Variants in EFCAB5 observed in about 807,000 individuals in gnomAD.
EFCAB5 encodes the protein EF-hand calcium binding domain 5.
Under a neutral mutation model 167.9 loss-of-function variants are expected in EFCAB5, and 131 were observed. The ratio of observed to expected loss-of-function variants is 0.78; its 90% confidence interval spans 0.68 to 0.90. EFCAB5 has a LOEUF of 0.90. EFCAB5 is among the 40% of genes least tolerant of loss of function. The pLI, the probability that EFCAB5 is intolerant of heterozygous loss-of-function variation, is 0.00. For synonymous variants in EFCAB5, 574 were observed against 602.8 expected (o/e 0.95, Z 0.70); for missense variants, 1,663 against 1,745.2 (o/e 0.95, Z 0.84).
At chr17:30,093,395 G>C (rs2071237391) in intron 22 of EFCAB5, among the ~76,000 whole-genome samples, 2 of 152,162 alleles carry the variant, frequency 1.3e-5, no homozygotes, top group African/African-American at 4.8e-5. Flanking sequence ...ACAAACAGAG[G>C]CCCAAGGTCC....
In EFCAB5 at chr17:29,969,128, CA is replaced by C. The variant is rs2067897077; in HGVS notation, c.531del (p.Lys177AsnfsTer6). 2 of 1,613,788 alleles carry C rather than the reference CA, an allele frequency of 1.2e-6. No homozygotes were observed. The highest frequency in any genetic ancestry group is 1.7e-6 in the Non-Finnish European group (2 of 1,179,812). On this transcript the variant is annotated frameshift_variant, in exon 4 of 23. Coordinates refer to ENST00000394835, the MANE Select transcript of EFCAB5 (RefSeq NM_198529.4). LOFTEE classifies it high-confidence loss of function. ...TLNNTAYLLD[K>X]LLPTLVPGVE... ...TGAATAATACTGCATATTTGCTTGACAAACTTCTACCCACCTTAGTTCCTGG... is the reference window on the plus strand; with the variant it reads ...TGAATAATACTGCATATTTGCTTGACAACTTCTACCCACCTTAGTTCCTGG...
At chr17:30,018,168 T>C (rs190138642) in intron 7 of EFCAB5, among the ~76,000 whole-genome samples, 114 of 152,206 alleles carry the variant, frequency 7.5e-4, no homozygotes, top group Admixed American at 4.3e-3. Flanking sequence ...TGGTATTGAA[T>C]GTTGTGGAGA....
chr17:30,036,257 TACA>T (rs2069618107), intron 8 of EFCAB5, among the ~76,000 whole-genome samples: 11 of 122,338 alleles, frequency 9.0e-5, no homozygotes, highest in Non-Finnish European at 5.1e-5. Flanking sequence ...ATATAGAATA[TACA>T]TATATAATAT....
At chr17:30,100,721 C>T (rs1008416809) in intron 22 of EFCAB5, among the ~76,000 whole-genome samples, 1 of 151,584 alleles carries the variant, frequency 6.6e-6, no homozygotes, top group African/African-American at 2.4e-5. Flanking sequence ...GAGCCAAGAT[C>T]GCACCACTGT....
Position 30,107,798 on chromosome 17 carries a change from C to T in EFCAB5, c.4322-36C>T, listed in dbSNP as rs78794493. The T allele has an allele frequency of 2.7e-4, 383 of 1,430,542 alleles. 5 individuals are homozygous for T. In the East Asian group the frequency reaches 9.8e-3, roughly 37 times the overall value. 88.6% of individuals were successfully genotyped at this position (1,430,542 alleles called of 1,614,324 possible). A position where few individuals can be genotyped will look rare whatever the true frequency, so the allele number is the denominator to read the frequency against. The stretch of plus-strand genomic sequence containing the variant: ...AATTTTAATAGTAAAGTGCAAAACT[C>T]TCCACTCTTACTTTTCTTTTTTTTT... On this transcript the variant is annotated intron_variant, in intron 22 of 22. Transcript: ENST00000394835.
At chr17:30,062,829 C>G (rs2070460616) in intron 14 of EFCAB5, among the ~76,000 whole-genome samples, 1 of 152,150 alleles carries the variant, frequency 6.6e-6, no homozygotes, top group African/African-American at 2.4e-5. Flanking sequence ...TGAGGCAGTA[C>G]TCTGCCTCCT....
chr17:30,061,845 G>A (rs2070434143), intron 14 of EFCAB5, among the ~76,000 whole-genome samples: 3 of 152,162 alleles, frequency 2.0e-5, no homozygotes, highest in Admixed American at 2.0e-4. Context: ...TGGGATTACA[G>A]GTGTGAGCCA....
intron 3 of EFCAB5, among the ~76,000 whole-genome samples, chr17:29,951,683 G>A (rs2151537428): frequency 6.6e-6 from 1 of 152,088 alleles, no homozygotes; most frequent in East Asian, 1.9e-4. Context: ...CTTTTCTAAG[G>A]CAGGAAAACC....
At chr17:30,015,098 C>A (rs1032181890) in intron 7 of EFCAB5, among the ~76,000 whole-genome samples, 1 of 152,150 alleles carries the variant, frequency 6.6e-6, no homozygotes, top group Admixed American at 6.5e-5. Flanking sequence ...CTTGAAAATT[C>A]TTTTCTTTAA....
intron 14 of EFCAB5, among the ~76,000 whole-genome samples, chr17:30,064,834 A>G (rs1465435704): frequency 6.6e-6 from 1 of 152,248 alleles, no homozygotes; most frequent in African/African-American, 2.4e-5. Context: ...CATTAGACTA[A>G]CAGTGGAGTC....
chr17:29,940,060 C>G (rs1246939720), upstream of EFCAB5, among the ~76,000 whole-genome samples: 1 of 149,916 alleles, frequency 6.7e-6, no homozygotes, highest in African/African-American at 2.5e-5. Flanking sequence ...GCATCTCTTT[C>G]CCTCACTGAA....
chr17:30,046,483 C>A (rs2069932867), intron 8 of EFCAB5, among the ~76,000 whole-genome samples: 1 of 152,146 alleles, frequency 6.6e-6, no homozygotes. Context: ...ATATAGAAAT[C>A]TCTATTTCTT....
At position 29,942,319 on chromosome 17, in the gene EFCAB5, T is replaced by C. The variant is rs1489419343; in HGVS notation, c.105+17T>C. On this transcript the variant is annotated intron_variant, in intron 2 of 22. Coordinates refer to ENST00000394835, the MANE Select transcript of EFCAB5 (RefSeq NM_198529.4). ...CTTCATGAGGTAGAGTTGGCATGAA[T>C]AAATCAGATATTAATGCTGGAGAAT... 6.4e-7 allele frequency: 1 copy of C among 1,561,604 alleles called. No individual in the cohort carries two copies. Among genetic ancestry groups the C allele is most frequent in the Admixed American group, 2.0e-5 (1 of 51,004 alleles).
chr17:29,997,320 A>G (rs2068567303), intron 6 of EFCAB5, among the ~76,000 whole-genome samples: 1 of 152,038 alleles, frequency 6.6e-6, no homozygotes, highest in African/African-American at 2.4e-5. Context: ...CGACTTCGCT[A>G]GAAGACGTAA....
chr17:30,101,362 C>T (rs973543517), intron 22 of EFCAB5, among the ~76,000 whole-genome samples: 4 of 152,068 alleles, frequency 2.6e-5, no homozygotes, highest in African/African-American at 9.7e-5. Flanking sequence ...TATATCTTGA[C>T]AGTTTGAGTG....
chr17:29,993,387 TAC>T, intron 5 of EFCAB5, 66 bp downstream of exon 5: 1 of 1,501,866 alleles, frequency 6.7e-7, no homozygotes, highest in South Asian at 1.3e-5. Flanking sequence ...ATTGCTAGAA[TAC>T]TGAGTAGCAT....
intron 8 of EFCAB5, among the ~76,000 whole-genome samples, chr17:30,038,731 G>A (rs2151748481): frequency 1.3e-5 from 2 of 152,312 alleles, no homozygotes; most frequent in African/African-American, 4.8e-5. Flanking sequence ...CTGTGATTGA[G>A]CATCCTTTCT....
rs2071178707 is a variant in EFCAB5 at position 30,090,677 on chromosome 17, A to T, written c.3937+3A>T. On this transcript the variant is annotated splice_donor_region_variant and intron_variant, in intron 20 of 22. Coordinates refer to ENST00000394835, the MANE Select transcript of EFCAB5 (RefSeq NM_198529.4). ...GATAAAGAAAAAATATATCTTAGGT[A>T]TCGTTCATGTGGCATCAGTCTAAAT... 6.2e-7 allele frequency: 1 copy of T among 1,609,220 alleles called. No individual in the cohort carries two copies. The highest frequency in any genetic ancestry group is 1.7e-5 in the Admixed American group (1 of 59,460).
intron 6 of EFCAB5, among the ~76,000 whole-genome samples, chr17:29,998,797 G>A (rs2068598920): frequency 6.6e-6 from 1 of 152,152 alleles, no homozygotes; most frequent in African/African-American, 2.4e-5. Flanking sequence ...AGTAGGAGAG[G>A]AAGCCAGTGT....
Sources: gnomAD v4.1 joint callset for allele counts (sites outside exome capture counted in the v4.1 genomes callset) on GRCh38, gnomAD v4.1.1 for gene constraint, MANE v1.5 for transcripts, NCBI Gene and HGNC (gene_info 2026-07-23, HGNC 2026-07-21) for gene names.